The following NCKAP5 variants were observed in gnomAD, a reference collection of about 807,000 sequenced individuals.
The protein encoded by NCKAP5 is nck-associated protein 5.
Under a neutral mutation model 167.0 loss-of-function variants are expected in NCKAP5, and 92 were observed. The observed-to-expected ratio is 0.55, with a 90% CI of 0.47 to 0.66. The LOEUF (loss-of-function observed/expected upper bound fraction) is 0.66. NCKAP5 is among the 30% of genes least tolerant of loss of function. The pLI is 0.00. For synonymous variants in NCKAP5, 891 were observed against 877.4 expected (o/e 1.02, Z -0.27); for missense variants, 2,378 against 2,315.0 (o/e 1.03, Z -0.56).
chr2:133,653,967 A>AT, the NCKAP5 span, among the ~76,000 whole-genome samples: 1 of 152,144 alleles, frequency 6.6e-6, no homozygotes, highest in African/African-American at 2.4e-5. Flanking sequence ...ACCCAGAATT[A>AT]TTTTTGAGAA....
chr2:133,550,512 A>G (rs2104949651), intron 2 of NCKAP5, among the ~76,000 whole-genome samples: 1 of 147,840 alleles, frequency 6.8e-6, no homozygotes, highest in Admixed American at 6.7e-5. Flanking sequence ...GATTATCTCA[A>G]TAGATGCAGA....
chr2:133,002,300 C>T (rs2077812850), intron 6 of NCKAP5, among the ~76,000 whole-genome samples: 1 of 152,178 alleles, frequency 6.6e-6, no homozygotes, highest in African/African-American at 2.4e-5. Context: ...TTTTCCTGTA[C>T]ATGCATGTCT....
In NCKAP5 at chr2:132,785,657, G is replaced by C; in HGVS notation, c.1154C>G (p.Ala385Gly). Residue 385 changes from alanine (A) to glycine (G), a missense_variant, in exon 14 of 20, where the codon GCT becomes GGT. Transcript: ENST00000409261. ...TGGAGGTAGTTCATTTGTAGGACTAGCAAAGCCACTTGGGAGCGAAGAATC... is the reference window on the plus strand; with the variant it reads ...TGGAGGTAGTTCATTTGTAGGACTACCAAAGCCACTTGGGAGCGAAGAATC... ...SIDSSLPSGFASPTNELPPTR... is the reference protein window; with the variant it reads ...SIDSSLPSGFGSPTNELPPTR... The C allele has an allele frequency of 6.6e-7, 1 of 1,518,016 alleles. No homozygotes were observed. The highest frequency in any genetic ancestry group is 1.4e-5 in the African/African-American group (1 of 71,748). 94.0% of individuals were successfully genotyped at this position (1,518,016 alleles called of 1,614,324 possible).
intron 6 of NCKAP5, among the ~76,000 whole-genome samples, chr2:133,008,781 T>C (rs536698229): frequency 6.6e-5 from 10 of 152,228 alleles, no homozygotes; most frequent in South Asian, 2.1e-4. Flanking sequence ...CTATGTTAGA[T>C]TGAAAACAAA....
At chr2:133,606,635 A>G in the NCKAP5 span, among the ~76,000 whole-genome samples, 29 of 150,972 alleles carry the variant, frequency 1.9e-4, no homozygotes, top group African/African-American at 7.1e-4. Flanking sequence ...AGAGCGGGAC[A>G]GGGCCTACAC....
chr2:133,023,237 A>G (rs752595078), intron 6 of NCKAP5, among the ~76,000 whole-genome samples: 22 of 152,242 alleles, frequency 1.4e-4, no homozygotes, highest in Non-Finnish European at 3.1e-4. Context: ...CCAAGTGTTA[A>G]ACAGCTTCTC....
At chr2:133,611,026 CT>C in the NCKAP5 span, among the ~76,000 whole-genome samples, 1 of 152,040 alleles carries the variant, frequency 6.6e-6, no homozygotes, top group Admixed American at 6.6e-5. Flanking sequence ...GGCTTTTGTA[CT>C]TTTTCTTTTC....
At chr2:132,727,407 C>G (rs1019581942) in intron 18 of NCKAP5, among the ~76,000 whole-genome samples, 6 of 152,340 alleles carry the variant, frequency 3.9e-5, no homozygotes, top group South Asian at 4.1e-4. Context: ...TCCTTTGGAA[C>G]AGTGGCAGCA....
chr2:132,751,847 C>T (rs1349819131), intron 16 of NCKAP5, among the ~76,000 whole-genome samples: 2 of 152,204 alleles, frequency 1.3e-5, no homozygotes. Flanking sequence ...CCATCCAATA[C>T]AACTTAGATG....
At chr2:132,847,860 AG>A (rs1688784481) in intron 11 of NCKAP5, among the ~76,000 whole-genome samples, 1 of 152,214 alleles carries the variant, frequency 6.6e-6, no homozygotes, top group Non-Finnish European at 1.5e-5. Context: ...GACAGAAAGC[AG>A]ATCTGTGGTT....
chr2:132,910,928 T>G (rs1333617783), intron 8 of NCKAP5, among the ~76,000 whole-genome samples: 3 of 152,182 alleles, frequency 2.0e-5, no homozygotes, highest in African/African-American at 4.8e-5. Context: ...GCATCAGTAC[T>G]CATAGGCCCA....
At chr2:133,364,312 A>G (rs1185761621) in intron 3 of NCKAP5, among the ~76,000 whole-genome samples, 1 of 152,182 alleles carries the variant, frequency 6.6e-6, no homozygotes, top group African/African-American at 2.4e-5. Context: ...GAAATAATTA[A>G]ATATTCTTGA....
chr2:133,671,231 A>G, the NCKAP5 span, among the ~76,000 whole-genome samples: 8 of 151,540 alleles, frequency 5.3e-5, no homozygotes, highest in East Asian at 1.5e-3. Context: ...AAAAAAAAAA[A>G]AAAAAAAAGA....
chr2:133,026,936 C>T (rs781679992), intron 6 of NCKAP5, among the ~76,000 whole-genome samples: 3 of 152,174 alleles, frequency 2.0e-5, no homozygotes, highest in Admixed American at 6.5e-5. Context: ...TTCTGTCCTG[C>T]TCTATTCCTG....
chr2:132,778,240 A>C (rs1167880796), intron 15 of NCKAP5, among the ~76,000 whole-genome samples: 1 of 152,112 alleles, frequency 6.6e-6, no homozygotes, highest in African/African-American at 2.4e-5. Flanking sequence ...ATTACACAAA[A>C]ATTAGAGCTA....
intron 8 of NCKAP5, among the ~76,000 whole-genome samples, chr2:132,895,113 C>T (rs59212647): frequency 0.028 from 4,319 of 152,082 alleles, 174 homozygotes; most frequent in African/African-American, 0.098. Flanking sequence ...GGGCGGATCA[C>T]AAGGTCAGGA....
the NCKAP5 span, among the ~76,000 whole-genome samples, chr2:133,647,438 A>G: frequency 7.2e-5 from 10 of 138,742 alleles, no homozygotes; most frequent in East Asian, 2.1e-4. Context: ...AGGAAGAAAG[A>G]AAGAAAGAAA....
At chr2:133,634,640 T>G in the NCKAP5 span, among the ~76,000 whole-genome samples, 1 of 152,196 alleles carries the variant, frequency 6.6e-6, no homozygotes, top group East Asian at 1.9e-4. Context: ...AAACATTTTG[T>G]TTGCTTTGAA....
At chr2:133,102,710 A>T (rs2081555989) in intron 6 of NCKAP5, among the ~76,000 whole-genome samples, 1 of 150,510 alleles carries the variant, frequency 6.6e-6, no homozygotes, top group Non-Finnish European at 1.5e-5. Context: ...TGCTAACTGG[A>T]TCATTCTTAA....
Sources: allele counts gnomAD v4.1 joint callset (sites outside exome capture counted in the v4.1 genomes callset), GRCh38; gene constraint gnomAD v4.1.1; transcripts MANE v1.5; gene names NCBI Gene and HGNC (gene_info 2026-07-23, HGNC 2026-07-21).